Variants in SMTN observed in about 807,000 individuals in gnomAD.
The protein encoded by SMTN is smoothelin.
A neutral mutation model predicts 102.0 loss-of-function variants in SMTN; 58 were observed. The ratio of observed to expected loss-of-function variants is 0.57; its 90% CI spans 0.46 to 0.71. SMTN has a LOEUF of 0.71. Ranked by LOEUF, SMTN falls within the 30% of genes least tolerant of loss-of-function variation. The pLI is 0.00. For synonymous variants in SMTN, 478 were observed against 497.9 expected (o/e 0.96, Z 0.53); for missense variants, 1,185 against 1,241.7 (o/e 0.95, Z 0.69).
intron 2 of SMTN, among the ~76,000 whole-genome samples, chr22:31,086,314 C>T (rs2042696936): frequency 6.6e-6 from 1 of 152,234 alleles, no homozygotes; most frequent in South Asian, 2.1e-4. Context: ...GGGTTCAAAT[C>T]CTGGCTCAGG....
rs185570233 is a variant in SMTN at position 31,099,052 on chromosome 22, G to A, written c.2334-10G>A. ...AGTCGTGTGACCTGGTCCTGACACC[G>A]CCCCTACAGCAGCCCTGGCGGACCC... On this transcript the variant is annotated splice_polypyrimidine_tract_variant and intron_variant, in intron 17 of 20. Transcript: ENST00000333137. 5 of 1,609,016 alleles carry A rather than the reference G, an allele frequency of 3.1e-6. No homozygotes were observed. In the Admixed American group the frequency reaches 5.0e-5, roughly 16 times the overall value.
intron 2 of SMTN, among the ~76,000 whole-genome samples, chr22:31,087,702 T>C (rs947713349): frequency 1.3e-5 from 2 of 152,228 alleles, no homozygotes; most frequent in African/African-American, 2.4e-5. Context: ...GCTTGGCACC[T>C]GGCACAAGTG....
intron 1 of SMTN, among the ~76,000 whole-genome samples, chr22:31,071,752 G>T (rs567009698): frequency 2.7e-4 from 40 of 148,426 alleles, no homozygotes; most frequent in African/African-American, 9.2e-4. Context: ...CTGGAGTGCA[G>T]TGGCATGATC....
At chr22:31,097,224 G>A in intron 15 of SMTN, 45 bp from the exon 16 acceptor site, 10 of 1,597,048 alleles carry the variant, frequency 6.3e-6, no homozygotes, top group Non-Finnish European at 8.6e-6. Context: ...ATCTCCTGAT[G>A]TCCAGCCCAG....
rs762801759 is a variant in SMTN, at chr22:31,095,331, C to A, written c.1661C>A (p.Ala554Asp). ...GAAGCAGAGCCAGCAGAGCCTCTCG[C>A]TGCAGCAGTGGAAGCGGCCAATGGG... is the stretch of plus-strand genomic sequence containing the variant. ...KMEAEPAEPLAAAVEAANGAE... is the reference protein window; with the variant it reads ...KMEAEPAEPLDAAVEAANGAE... The change falls in exon 12 of 21, where the codon GCT becomes GAT. Residue 554 changes from alanine to aspartate, a missense_variant. Around this residue, in one of 2 missense-constraint regions of SMTN, gnomAD observed 1,096 missense variants for 1,112.7 expected, o/e 0.98. Transcript: ENST00000333137. This position sits in a 1 kb window ranked among gnomAD's most constrained non-coding sequence, Gnocchi z 4.1. The A allele has an allele frequency of 2.5e-6, 4 of 1,614,108 alleles. No individual in the cohort carries two copies. The highest frequency in any genetic ancestry group is 4.5e-5 in the East Asian group (2 of 44,882).
chr22:31,085,557 T>G (rs2042632121), intron 2 of SMTN, among the ~76,000 whole-genome samples: 1 of 152,054 alleles, frequency 6.6e-6, no homozygotes, highest in Admixed American at 6.5e-5. Context: ...GGAAGCACCC[T>G]CTTTCCTCCC....
chr22:31,068,437 A>G (rs894522834), intron 1 of SMTN: 7 of 152,072 alleles, frequency 4.6e-5, no homozygotes, highest in Non-Finnish European at 1.0e-4. Flanking sequence ...GTATTTTCCA[A>G]GAAAGACCTG....
chr22:31,101,009 G>A lies in SMTN; in HGVS notation c.2728G>A (p.Val910Ile). Reference protein sequence around the residue: ...FYRCLVQKGLVKTKKS With the variant: ...FYRCLVQKGLIKTKKS Reference sequence around the variant, plus strand: ...CCGCTGTCTGGTCCAGAAGGGGCTGGTAAAAACCAAAAAGTCCTAACCCCT... The same window carrying A: ...CCGCTGTCTGGTCCAGAAGGGGCTGATAAAAACCAAAAAGTCCTAACCCCT... The change falls in exon 20 of 21, where the codon GTA becomes ATA. Residue 910 changes from valine (V) to isoleucine (I), a missense_variant. By Grantham distance (29) the Val-to-Ile change is conservative. Transcript: ENST00000333137. The A allele has an allele frequency of 6.2e-7, 1 of 1,612,938 alleles. No individual in the cohort carries two copies. Among genetic ancestry groups the A allele is most frequent in the Non-Finnish European group, 8.5e-7 (1 of 1,179,562 alleles).
At chr22:31,097,373 A>G in intron 16 of SMTN, 35 bp downstream of exon 16, 1 of 1,585,926 alleles carries the variant, frequency 6.3e-7, no homozygotes, top group Non-Finnish European at 8.7e-7. Flanking sequence ...ACCATAGAGG[A>G]GTCAGTGCCA....
Position 31,098,721 on chromosome 22 carries a change from C to T in SMTN, c.2214C>T (p.Leu738=). 1 of 1,613,452 alleles carries T rather than the reference C, an allele frequency of 6.2e-7. No homozygotes were observed. Among genetic ancestry groups the T allele is most frequent in the South Asian group, 1.1e-5 (1 of 91,080 alleles). The part of the protein sequence containing the change: ...ASPRAGSLAA[L]EKRQAEKKKE... ...CACGGGCCGGCAGCCTGGCGGCGCT[C>T]GAGAAACGGCAGGCCGAGAAGAAGA... The change falls in exon 17 of 21, where the codon CTC becomes CTT. Residue 738 remains leucine, a synonymous_variant. Coordinates refer to ENST00000333137, the MANE Select transcript of SMTN (RefSeq NM_134269.3).
chr22:31,104,581 C>CA lies in SMTN; in HGVS notation c.*287dup, dbSNP rs1246798577. On this transcript the variant is annotated 3_prime_UTR_variant, in exon 21 of 21. Coordinates refer to ENST00000333137, the MANE Select transcript of SMTN (RefSeq NM_134269.3). ...CTGTCTGTTGCGACACCCTCCCCCCCACATACACACGCAGCGTTTTGATAA... is the reference window on the plus strand; with the variant it reads ...CTGTCTGTTGCGACACCCTCCCCCCCAACATACACACGCAGCGTTTTGATAA... The CA allele has an allele frequency of 1.0e-6, 1 of 991,606 alleles. No homozygotes were observed. Among genetic ancestry groups the CA allele is most frequent in the Non-Finnish European group, 1.5e-6 (1 of 651,142 alleles). 61.4% of individuals were successfully genotyped at this position (991,606 alleles called of 1,614,324 possible). A position where few individuals can be genotyped will look rare whatever the true frequency, so the allele number is the denominator to read the frequency against.
At chr22:31,064,767 CAG>C (rs775844256) in intron 1 of SMTN, 5 of 152,258 alleles carry the variant, frequency 3.3e-5, no homozygotes, top group Middle Eastern at 3.4e-3. Context: ...AAAAATAGTT[CAG>C]AGTTATCCTA....
intron 1 of SMTN, chr22:31,066,490 T>G (rs2041853409): frequency 6.6e-6 from 1 of 151,660 alleles, no homozygotes. Flanking sequence ...GTATCTTTAG[T>G]AGAGATGGGG....
At chr22:31,091,923 G>GA in intron 11 of SMTN, 76 bp downstream of exon 11, 11 of 1,340,668 alleles carry the variant, frequency 8.2e-6, no homozygotes, top group Non-Finnish European at 1.1e-5. Context: ...AGGGCTAGCA[G>GA]GGTTCCTCTG....
At chr22:31,084,152 GCA>G (rs1448604797) in intron 2 of SMTN, among the ~76,000 whole-genome samples, 1 of 152,182 alleles carries the variant, frequency 6.6e-6, no homozygotes, top group African/African-American at 2.4e-5. Context: ...CTACCTCCAT[GCA>G]CAGAGGCCGT....
At chr22:31,098,639 G>A in intron 16 of SMTN, 28 bp from the exon 17 acceptor site, 1 of 1,609,122 alleles carries the variant, frequency 6.2e-7, no homozygotes, top group Non-Finnish European at 8.5e-7. Flanking sequence ...TGCTCTCCCT[G>A]CCTAACATGC....
At chr22:31,100,225 A>G (rs1323275413) in intron 19 of SMTN, among the ~76,000 whole-genome samples, 2 of 150,776 alleles carry the variant, frequency 1.3e-5, no homozygotes, top group African/African-American at 4.9e-5. Flanking sequence ...TCCTCCCACT[A>G]TCACCAGAGC....
At chr22:31,090,329 G>T in intron 8 of SMTN, 149 bp downstream of exon 8, 1 of 650,132 alleles carries the variant, frequency 1.5e-6, no homozygotes, top group Non-Finnish European at 2.6e-6. Flanking sequence ...CCCCTGAAGT[G>T]TCCCCGCCCC....
chr22:31,072,508 G>T (rs564255421), intron 1 of SMTN, among the ~76,000 whole-genome samples: 1 of 152,158 alleles, frequency 6.6e-6, no homozygotes, highest in East Asian at 1.9e-4. Flanking sequence ...TGTCACCCAG[G>T]CTGGAGGGCA....
Sources: gnomAD v4.1 joint callset for allele counts (sites outside exome capture counted in the v4.1 genomes callset) on GRCh38, gnomAD v4.1.1 for gene constraint, gnomAD v4.1.1 regional missense constraint, Gnocchi (gnomAD v3.1) non-coding constraint, MANE v1.5 for transcripts, NCBI Gene and HGNC (gene_info 2026-07-23, HGNC 2026-07-21) for gene names.